The following PGR variants were observed in gnomAD, a reference collection of about 807,000 sequenced individuals.
PGR encodes the protein nuclear receptor subfamily 3 group C member 3.
In PGR, 25 loss-of-function variants were observed where a neutral mutation model predicts 76.1. The ratio of observed to expected loss-of-function variants is 0.33; its 90% confidence interval spans 0.24 to 0.46. PGR has a LOEUF of 0.46. Among genes scored for constraint, PGR ranks in the 20% least tolerant of loss-of-function variants. PGR has a pLI of 1.00. For missense variants in PGR, 1,172 were observed against 1,225.3 expected (o/e 0.96, Z 0.65); for synonymous variants, 579 against 535.0 (o/e 1.08, Z -1.14).
chr11:101,095,037 C>T (rs887263612), intron 2 of PGR, among the ~76,000 whole-genome samples: 2 of 152,126 alleles, frequency 1.3e-5, no homozygotes, highest in Admixed American at 6.5e-5. Context: ...GCCTTTAGAA[C>T]CATCAGAAAA....
chr11:101,128,585 G>T lies in PGR; in HGVS notation c.486C>A (p.Ser162=). The T allele has an allele frequency of 6.3e-7, 1 of 1,595,512 alleles. No individual in the cohort carries two copies. Among genetic ancestry groups the T allele is most frequent in the Non-Finnish European group, 8.5e-7 (1 of 1,173,672 alleles). ...PAAPATQRVL[S]PLMSRSGCKV... is the part of the protein sequence containing the mutation. ...TGCACCCGGACCGGCTCATGAGCGG[G>T]GACAACACCCGCTGGGTGGCGGGGG... The change falls in exon 1 of 8, where the codon TCC becomes TCA. Residue 162 remains serine, a synonymous_variant. Coordinates refer to ENST00000325455, the MANE Select transcript of PGR (RefSeq NM_000926.4).
In PGR at chr11:101,049,996, C is replaced by CT; in HGVS notation, c.2420dup (p.Phe808ValfsTer7). ...CTTGGCTAACTTGAAGCTTGACAAACTCCTGTGGGATCTGCCACATGGTAA... is the reference window on the plus strand; with the variant it reads ...CTTGGCTAACTTGAAGCTTGACAAACTTCCTGTGGGATCTGCCACATGGTAA... On this transcript the variant is annotated frameshift_variant, in exon 6 of 8. Coordinates refer to ENST00000325455, the MANE Select transcript of PGR (RefSeq NM_000926.4). LOFTEE classifies it high-confidence loss of function. 6.2e-7 allele frequency: 1 copy of CT among 1,612,574 alleles called. No individual in the cohort carries two copies. Among genetic ancestry groups the CT allele is most frequent in the Non-Finnish European group, 8.5e-7 (1 of 1,179,004 alleles).
Position 101,062,429 on chromosome 11 carries a change from T to C in PGR, c.2212+18A>G, listed in dbSNP as rs767092234. ...AGTATATTTTTTATTACATGCTGTA[T>C]ATAAAAATTATTATTACCTGGCAAT... On this transcript the variant is annotated intron_variant, in intron 4 of 7. Coordinates refer to ENST00000325455, the MANE Select transcript of PGR (RefSeq NM_000926.4). 6.4e-7 allele frequency: 1 copy of C among 1,569,436 alleles called. No individual in the cohort carries two copies. The highest frequency in any genetic ancestry group is 1.1e-5 in the South Asian group (1 of 90,124).
intron 6 of PGR, among the ~76,000 whole-genome samples, chr11:101,046,091 G>C (rs1395315137): frequency 6.7e-6 from 1 of 149,802 alleles, no homozygotes; most frequent in African/African-American, 2.5e-5. Context: ...CCTTTACTAA[G>C]ATTTTAGTGT....
rs1426836680 is a variant in PGR, at chr11:101,036,625, T to C, written c.*2491A>G. 5.1e-6 allele frequency: 1 copy of C among 196,682 alleles called. No homozygotes were observed. Among genetic ancestry groups the C allele is most frequent in the African/African-American group, 2.3e-5 (1 of 43,310 alleles). 12.2% of individuals were successfully genotyped at this position (196,682 alleles called of 1,614,324 possible). A position where few individuals can be genotyped will look rare whatever the true frequency, so the allele number is the denominator to read the frequency against. ...AGGTATTTTCCATTTGGTGAAGCCA[T>C]ATTCTTTTTAAAAAGGTACTTTATT... is the stretch of plus-strand genomic sequence containing the variant. On this transcript the variant is annotated 3_prime_UTR_variant, in exon 8 of 8. Coordinates refer to ENST00000325455, the MANE Select transcript of PGR (RefSeq NM_000926.4).
intron 2 of PGR, among the ~76,000 whole-genome samples, chr11:101,108,563 T>A (rs1315653698): frequency 6.6e-6 from 1 of 152,232 alleles, no homozygotes; most frequent in Non-Finnish European, 1.5e-5. Flanking sequence ...CTTCAATCAG[T>A]TGCTAATATC....
At chr11:101,077,661 T>C (rs1861172193) in intron 3 of PGR, among the ~76,000 whole-genome samples, 1 of 151,838 alleles carries the variant, frequency 6.6e-6, no homozygotes. Context: ...CACAGAAAAA[T>C]TTTAAGCAAA....
intron 3 of PGR, among the ~76,000 whole-genome samples, chr11:101,073,396 C>T (rs542865584): frequency 1.1e-4 from 16 of 152,104 alleles, no homozygotes; most frequent in African/African-American, 2.9e-4. Flanking sequence ...AAAATTGACA[C>T]GCTAATATCA....
rs569438641 is a variant in PGR at position 101,047,522 on chromosome 11, C to T, written c.2488+2407G>A. ...AAGATGGTTATGTATTCATCCCTGT[C>T]TTTGCATAAATTCTATGAGGAAGCC... On this transcript the variant is annotated intron_variant, in intron 6 of 7. Transcript: ENST00000325455. Among the ~76,000 whole-genome samples the T allele has an allele frequency of 4.9e-4, 75 of 152,262 alleles. No individual in the cohort carries two copies. In the South Asian group the frequency reaches 0.015, roughly 31 times the overall value.
Position 101,031,195 on chromosome 11 carries a change from C to T in PGR, c.*7921G>A. On this transcript the variant is annotated 3_prime_UTR_variant, in exon 8 of 8. Coordinates refer to ENST00000325455, the MANE Select transcript of PGR (RefSeq NM_000926.4). The stretch of plus-strand genomic sequence containing the variant: ...GAAATGGAAGTTAGCAAAGTCCCAG[C>T]ACTCTGCAGTGCTGAAGCTGAAAGA... 1 of 217,220 alleles carries T rather than the reference C, an allele frequency of 4.6e-6. No individual in the cohort carries two copies. Among genetic ancestry groups the T allele is most frequent in the East Asian group, 6.8e-5 (1 of 14,786 alleles). The allele number at this position is 217,220 out of a possible 1,614,324, so 13.5% of individuals were successfully genotyped here. A position where few individuals can be genotyped will look rare whatever the true frequency, so the allele number is the denominator to read the frequency against.
intron 2 of PGR, among the ~76,000 whole-genome samples, chr11:101,113,337 C>T (rs1171539335): frequency 6.6e-6 from 1 of 151,890 alleles, no homozygotes; most frequent in African/African-American, 2.4e-5. Flanking sequence ...TCTCCACTCA[C>T]TGTAAGCTCC....
intron 2 of PGR, among the ~76,000 whole-genome samples, chr11:101,093,192 C>G (rs950794188): frequency 2.0e-5 from 3 of 152,154 alleles, no homozygotes; most frequent in East Asian, 1.9e-4. Flanking sequence ...AGGAATTAAG[C>G]CTTCACCTAA....
At chr11:101,116,292 C>T (rs76809885) in intron 2 of PGR, among the ~76,000 whole-genome samples, 2,853 of 152,222 alleles carry the variant, frequency 0.019, 72 homozygotes, top group African/African-American at 0.066. Context: ...TAGTCTCTTT[C>T]AACATTCTAG....
At chr11:101,123,876 G>T (rs1294653910) in intron 2 of PGR, among the ~76,000 whole-genome samples, 1 of 152,164 alleles carries the variant, frequency 6.6e-6, no homozygotes, top group Non-Finnish European at 1.5e-5. Flanking sequence ...TATATTACAA[G>T]TTCCTTGAAA....
At chr11:101,081,172 G>C (rs1861293710) in intron 3 of PGR, among the ~76,000 whole-genome samples, 1 of 152,164 alleles carries the variant, frequency 6.6e-6, no homozygotes, top group Non-Finnish European at 1.5e-5. Context: ...ACTCATGTCT[G>C]TAATCCCAGC....
intron 6 of PGR, among the ~76,000 whole-genome samples, chr11:101,044,022 G>A (rs527471284): frequency 2.0e-5 from 3 of 152,264 alleles, no homozygotes; most frequent in South Asian, 4.1e-4. Flanking sequence ...AGCTTCATTA[G>A]CCCCTAACAA....
chr11:101,049,871 C>T, intron 6 of PGR, 58 bp downstream of exon 6: 4 of 1,472,704 alleles, frequency 2.7e-6, no homozygotes, highest in Non-Finnish European at 3.8e-6. Context: ...TTGTTTGCAA[C>T]TTTTCTAATG....
At chr11:101,077,003 G>T (rs1591393841) in intron 3 of PGR, among the ~76,000 whole-genome samples, 1 of 80,578 alleles carries the variant, frequency 1.2e-5, no homozygotes. Context: ...TTCTTTCTTT[G>T]CTACCTTGGT....
intron 2 of PGR, among the ~76,000 whole-genome samples, chr11:101,105,375 G>A (rs1017745178): frequency 2.0e-5 from 3 of 152,114 alleles, no homozygotes; most frequent in Non-Finnish European, 2.9e-5. Flanking sequence ...TACATCCGAA[G>A]GGGAATAAGA....
Sources: gnomAD v4.1 joint callset for allele counts (sites outside exome capture counted in the v4.1 genomes callset) on GRCh38, gnomAD v4.1.1 for gene constraint, MANE v1.5 for transcripts, NCBI Gene and HGNC (gene_info 2026-07-23, HGNC 2026-07-21) for gene names.